The following OSBPL10 variants were observed in gnomAD, a reference collection of about 807,000 sequenced individuals.
The protein encoded by OSBPL10 is oxysterol-binding protein-related protein 10.
Under a neutral mutation model 81.7 loss-of-function variants are expected in OSBPL10, and 49 were observed. The observed-to-expected ratio is 0.60, with a 90% CI of 0.48 to 0.76. OSBPL10 has a LOEUF of 0.76. OSBPL10 is among the 30% of genes least tolerant of loss of function. OSBPL10 has a pLI of 0.00. For missense variants in OSBPL10, 923 were observed against 987.8 expected (o/e 0.93, Z 0.88); for synonymous variants, 419 against 383.6 (o/e 1.09, Z -1.08).
chr3:31,949,790 GA>G (rs1484061678), intron 1 of OSBPL10, among the ~76,000 whole-genome samples: 1 of 147,562 alleles, frequency 6.8e-6, no homozygotes, highest in Non-Finnish European at 1.5e-5. Context: ...ACTTTCAGCA[GA>G]AAATATAAGA....
chr3:31,929,443 A>G (rs1237556823), intron 1 of OSBPL10, among the ~76,000 whole-genome samples: 1 of 152,230 alleles, frequency 6.6e-6, no homozygotes, highest in East Asian at 1.9e-4. Context: ...TTCATTCATG[A>G]TGGTTACAAA....
chr3:31,797,704 A>G (rs1699267182), intron 4 of OSBPL10: 1 of 423,388 alleles, frequency 2.4e-6, no homozygotes, highest in Non-Finnish European at 4.8e-6. Flanking sequence ...TTTTATATGT[A>G]CCATGATATA....
At chr3:32,045,133 G>A (rs1034192262) in intron 2 of OSBPL10, among the ~76,000 whole-genome samples, 1 of 152,142 alleles carries the variant, frequency 6.6e-6, no homozygotes, top group Non-Finnish European at 1.5e-5. Context: ...TAGTGGGTGG[G>A]GCCATGAGCT....
At chr3:31,979,977 CTTT>C (rs1399457177) in intron 1 of OSBPL10, among the ~76,000 whole-genome samples, 1 of 150,614 alleles carries the variant, frequency 6.6e-6, no homozygotes, top group Admixed American at 6.6e-5. Flanking sequence ...TTTTTTCTTT[CTTT>C]TTATTATTTT....
chr3:31,789,761 C>A (rs1698964992), intron 4 of OSBPL10, among the ~76,000 whole-genome samples: 2 of 152,190 alleles, frequency 1.3e-5, no homozygotes, highest in Admixed American at 1.3e-4. Context: ...CTAAGACTCT[C>A]CCTCTGCAAG....
At chr3:31,958,527 T>A (rs1698070381) in intron 1 of OSBPL10, among the ~76,000 whole-genome samples, 1 of 152,140 alleles carries the variant, frequency 6.6e-6, no homozygotes, top group South Asian at 2.1e-4. Flanking sequence ...TGCACAAAAA[T>A]CAGTAACAGT....
intron 1 of OSBPL10, among the ~76,000 whole-genome samples, chr3:31,914,082 G>A (rs969445222): frequency 6.6e-6 from 1 of 152,032 alleles, no homozygotes; most frequent in African/African-American, 2.4e-5. Context: ...CACCACACCA[G>A]GCTAATTTTT....
At chr3:31,851,377 G>A (rs1324334297) in intron 3 of OSBPL10, among the ~76,000 whole-genome samples, 2 of 152,172 alleles carry the variant, frequency 1.3e-5, no homozygotes, top group African/African-American at 4.8e-5. Flanking sequence ...GTTCAGCCCT[G>A]GCCCCTCCAT....
chr3:32,011,485 T>C (rs1420592435), intron 2 of OSBPL10, among the ~76,000 whole-genome samples: 1 of 151,902 alleles, frequency 6.6e-6, no homozygotes, highest in Non-Finnish European at 1.5e-5. Flanking sequence ...ACCACAAAGA[T>C]GGGGAAAAAA....
At chr3:31,702,626 T>C in intron 6 of OSBPL10, 118 bp from the exon 7 acceptor site, 1 of 1,404,194 alleles carries the variant, frequency 7.1e-7, no homozygotes, top group Non-Finnish European at 9.7e-7. Context: ...CGGGCAGAGC[T>C]CCTCTGTGAC....
rs369750903 is a variant in OSBPL10 at position 31,887,254 on chromosome 3, T to TC, written c.282-7425dup. ...CAACAAGTACCTTGTTTATAAAACT[T>TC]CCAATCTACTACTTACAGAAAAACT... is the stretch of plus-strand genomic sequence containing the variant. On this transcript the variant is annotated intron_variant, in intron 1 of 11. Transcript: ENST00000396556. 3.3e-3 allele frequency among the ~76,000 whole-genome samples: 501 copies of TC among 152,232 alleles called. 3 individuals carry two copies. Among genetic ancestry groups the TC allele is most frequent in the African/African-American group, 0.012 (483 of 41,538 alleles).
chr3:32,021,410 G>A (rs1039837414), intron 2 of OSBPL10, among the ~76,000 whole-genome samples: 1 of 152,180 alleles, frequency 6.6e-6, no homozygotes, highest in East Asian at 1.9e-4. Context: ...AACATTTTAA[G>A]AAGCCATTTG....
At chr3:31,945,692 A>G (rs1424130471) in intron 1 of OSBPL10, among the ~76,000 whole-genome samples, 1 of 152,126 alleles carries the variant, frequency 6.6e-6, no homozygotes, top group African/African-American at 2.4e-5. Flanking sequence ...CCTTCTCCAG[A>G]CGCTCAGGAT....
In OSBPL10 at chr3:31,918,262, C is replaced by A. The variant is rs894750433; in HGVS notation, c.282-38432G>T. Among the ~76,000 whole-genome samples the A allele has an allele frequency of 7.9e-5, 12 of 151,498 alleles. No individual in the cohort carries two copies. The South Asian group carries it at 2.5e-3, about 32-fold the overall frequency. On this transcript the variant is annotated intron_variant, in intron 1 of 11. Transcript: ENST00000396556. ...TAATAATGACAAAGTTAAAAGACAG[C>A]AAGACAAGTCCCTGAAAGTGAAACA...
chr3:31,671,042 T>G, intron 8 of OSBPL10, 59 bp from the exon 9 acceptor site: 2 of 1,457,856 alleles, frequency 1.4e-6, no homozygotes, highest in Non-Finnish European at 1.8e-6. Flanking sequence ...GCACTGGGGA[T>G]CAGAAGAAAT....
At chr3:31,961,927 T>C (rs1698177538) in intron 1 of OSBPL10, among the ~76,000 whole-genome samples, 2 of 151,090 alleles carry the variant, frequency 1.3e-5, no homozygotes, top group African/African-American at 4.9e-5. Flanking sequence ...TTTTAAGAGT[T>C]TTTTTTGGCA....
rs886178397 is a variant in OSBPL10 at position 31,812,811 on chromosome 3, A to G, written c.729+17229T>C. Among the ~76,000 whole-genome samples the G allele has an allele frequency of 3.2e-3, 188 of 59,126 alleles. 7 individuals are homozygous for G. The East Asian group carries it at 0.059, about 19-fold the overall frequency. 38.8% of individuals were successfully genotyped at this position (59,126 alleles called of 152,430 possible). The stretch of plus-strand genomic sequence containing the variant: ...GAAAGAAAGAAAGAAAGAAAGAAAG[A>G]AAGAAAGAGAAAGAAAGAAAGAAAG... On this transcript the variant is annotated intron_variant, in intron 4 of 11. Transcript: ENST00000396556.
intron 4 of OSBPL10, among the ~76,000 whole-genome samples, chr3:31,785,119 A>G (rs554841589): frequency 1.5e-4 from 23 of 152,292 alleles, no homozygotes; most frequent in African/African-American, 4.6e-4. Flanking sequence ...TTCCGGCCTC[A>G]AGTGATCCGC....
At chr3:31,789,492 C>G (rs1027645033) in intron 4 of OSBPL10, among the ~76,000 whole-genome samples, 1 of 152,172 alleles carries the variant, frequency 6.6e-6, no homozygotes, top group African/African-American at 2.4e-5. Context: ...CTATAGGGTA[C>G]AGGGCAGAGC....
Sources: gnomAD v4.1 joint callset for allele counts (sites outside exome capture counted in the v4.1 genomes callset) on GRCh38, gnomAD v4.1.1 for gene constraint, MANE v1.5 for transcripts, NCBI Gene and HGNC (gene_info 2026-07-23, HGNC 2026-07-21) for gene names.